TMEM87B: variants seen among roughly 807,000 people sequenced by gnomAD.
TMEM87B encodes transmembrane protein 87B.
A neutral mutation model predicts 80.3 loss-of-function variants in TMEM87B; 83 were observed. That is an observed-to-expected ratio of 1.03 (90% confidence interval 0.87 to 1.24). TMEM87B has a LOEUF of 1.24. Among genes scored for constraint, TMEM87B ranks in the 50% most tolerant of loss-of-function variants. The pLI, the probability that TMEM87B is intolerant of heterozygous loss-of-function variation, is 0.00. For synonymous variants in TMEM87B, 219 were observed against 230.5 expected (o/e 0.95, Z 0.45); for missense variants, 625 against 674.4 (o/e 0.93, Z 0.81).
At chr2:112,086,128 A>T (rs754237237) in intron 9 of TMEM87B, 24 bp downstream of exon 9, 1 of 1,592,698 alleles carries the variant, frequency 6.3e-7, no homozygotes, top group South Asian at 1.1e-5. Context: ...TGTGGGAAAA[A>T]TGCTGGGTCC....
At chr2:112,107,933 C>A in intron 17 of TMEM87B, 93 bp downstream of exon 17, 1 of 740,242 alleles carries the variant, frequency 1.4e-6, no homozygotes, top group East Asian at 2.9e-5. Flanking sequence ...TTTCAAACCT[C>A]GTACTTGCAT....
Position 112,089,681 on chromosome 2 carries a change from T to C in TMEM87B, c.995T>C (p.Ile332Thr). ...RVIGLGLLYL[I>T]FAAVEGVMRV... ...ATCGGACTGGGGCTTCTATACTTAA[T>C]CTTTGCAGCTGTTGAAGGCGTGATG... The change falls in exon 10 of 19, where the codon ATC (isoleucine) becomes ACC (threonine). Residue 332 changes from isoleucine to threonine, a missense_variant. Physicochemically the swap from Ile to Thr is moderately conservative, Grantham distance 89 (BLOSUM62 -1). Coordinates refer to ENST00000283206, the MANE Select transcript of TMEM87B (RefSeq NM_032824.3). 2 of 1,614,204 alleles carry C rather than the reference T, an allele frequency of 1.2e-6. No homozygotes were observed. Among genetic ancestry groups the C allele is most frequent in the Non-Finnish European group, 1.7e-6 (2 of 1,180,020 alleles).
intron 6 of TMEM87B, among the ~76,000 whole-genome samples, chr2:112,080,466 AG>A (rs1308946662): frequency 6.7e-6 from 1 of 148,758 alleles, no homozygotes; most frequent in Non-Finnish European, 1.5e-5. Flanking sequence ...TCACCGTGTT[AG>A]CCAGGATGGT....
Position 112,055,716 on chromosome 2 carries a change from C to A in TMEM87B, c.125C>A (p.Ala42Glu). ...TGCTGGACCCCGGCGGCTGTGCGCGCGGTCCCTGAGCTCGGGCTCTGGTTA... is the reference window on the plus strand; with the variant it reads ...TGCTGGACCCCGGCGGCTGTGCGCGAGGTCCCTGAGCTCGGGCTCTGGTTA... ...LLCWTPAAVR[A>E]VPELGLWLET... The change falls in exon 1 of 19, where the codon GCG becomes GAG. Residue 42 changes from alanine to glutamate, a missense_variant. Transcript: ENST00000283206. The A allele has an allele frequency of 6.5e-7, 1 of 1,538,266 alleles. No individual in the cohort carries two copies. Among genetic ancestry groups the A allele is most frequent in the Non-Finnish European group, 8.7e-7 (1 of 1,149,440 alleles).
chr2:112,108,390 A>G (rs1374322993), intron 17 of TMEM87B, among the ~76,000 whole-genome samples: 1 of 152,190 alleles, frequency 6.6e-6, no homozygotes, highest in Non-Finnish European at 1.5e-5. Context: ...CTGTTTAGAT[A>G]GCTTCTGTGT....
At chr2:112,066,837 T>G (rs1362711614) in intron 3 of TMEM87B, 99 bp from the exon 4 acceptor site, 3 of 1,099,878 alleles carry the variant, frequency 2.7e-6, no homozygotes, top group Non-Finnish European at 2.5e-6. Flanking sequence ...TATTTCAAAC[T>G]GAATATACTT....
intron 17 of TMEM87B, among the ~76,000 whole-genome samples, chr2:112,111,441 A>C (rs1332341502): frequency 6.6e-6 from 1 of 152,230 alleles, no homozygotes; most frequent in Non-Finnish European, 1.5e-5. Flanking sequence ...TTGGTTACAA[A>C]AAATCCTTTG....
intron 9 of TMEM87B, among the ~76,000 whole-genome samples, chr2:112,088,650 T>G (rs1250406860): frequency 1.3e-5 from 2 of 152,196 alleles, no homozygotes; most frequent in South Asian, 2.1e-4. Context: ...AAATTCTGAT[T>G]TGCAAATATC....
In TMEM87B at chr2:112,091,706, T is replaced by G; in HGVS notation, c.1033-6T>G. On this transcript the variant is annotated splice_polypyrimidine_tract_variant and splice_region_variant and intron_variant, in intron 10 of 18. Coordinates refer to ENST00000283206, the MANE Select transcript of TMEM87B (RefSeq NM_032824.3). ...TCAGGTTTCTTCCCTTATTTTTATC[T>G]TTCAGGGTTCTAACCATTTAGCTGT... 1 of 1,606,718 alleles carries G rather than the reference T, an allele frequency of 6.2e-7. No homozygotes were observed. The highest frequency in any genetic ancestry group is 8.5e-7 in the Non-Finnish European group (1 of 1,175,244).
rs548023125 is a variant in TMEM87B at position 112,116,514 on chromosome 2, T to C, written c.*371T>C. ...TTTTAATAAATACCCTTGGTCTTTC[T>C]TCTAGTCACCTTTGAGGTAGATATT... On this transcript the variant is annotated 3_prime_UTR_variant, in exon 19 of 19. Transcript: ENST00000283206. 1.6e-4 allele frequency: 26 copies of C among 164,396 alleles called. No homozygotes were observed. The highest frequency in any genetic ancestry group is 1.3e-3 in the Admixed American group (21 of 16,140). 10.2% of individuals were successfully genotyped at this position (164,396 alleles called of 1,614,324 possible).
chr2:112,107,940 G>C (rs7562848), intron 17 of TMEM87B, 100 bp downstream of exon 17: 667,543 of 669,270 alleles, frequency 1, 332,912 homozygotes, highest in Middle Eastern at 1. Context: ...CCTCGTACTT[G>C]CATGTACTTG....
At chr2:112,060,155 G>T in intron 2 of TMEM87B, 118 bp downstream of exon 2, 2 of 1,163,240 alleles carry the variant, frequency 1.7e-6, no homozygotes, top group Non-Finnish European at 2.2e-6. Context: ...GGACGAGCCT[G>T]GCCAACATAG....
At chr2:112,100,567 G>A (rs2104498481) in intron 14 of TMEM87B, 55 bp from the exon 15 acceptor site, 3 of 1,185,918 alleles carry the variant, frequency 2.5e-6, no homozygotes, top group Non-Finnish European at 2.4e-6. Flanking sequence ...GATATAAACT[G>A]AAAATTGAAC....
chr2:112,099,521 AATACATATATATATATAT>A (rs2104497134), intron 14 of TMEM87B, among the ~76,000 whole-genome samples: 1 of 97,980 alleles, frequency 1.0e-5, no homozygotes, highest in South Asian at 3.3e-4. Context: ...ATTATACAAT[AATACATATATATATATAT>A]ATATATATAT....
intron 13 of TMEM87B, 92 bp downstream of exon 13, chr2:112,097,383 G>A: frequency 9.4e-7 from 1 of 1,064,796 alleles, no homozygotes. Flanking sequence ...AAATAGAGGT[G>A]ATTTTAATGG....
intron 1 of TMEM87B, among the ~76,000 whole-genome samples, chr2:112,056,507 A>G (rs938723396): frequency 2.0e-5 from 3 of 152,206 alleles, no homozygotes; most frequent in African/African-American, 7.2e-5. Flanking sequence ...ATGCAGGGGC[A>G]GAATTATGGA....
intron 4 of TMEM87B, 50 bp downstream of exon 4, chr2:112,067,117 C>G (rs1398010325): frequency 1.3e-6 from 2 of 1,582,178 alleles, no homozygotes; most frequent in Non-Finnish European, 1.7e-6. Flanking sequence ...CCAGTGAATA[C>G]AAGTATCAAC....
At chr2:112,103,861 C>T (rs907993503) in intron 15 of TMEM87B, among the ~76,000 whole-genome samples, 1 of 152,168 alleles carries the variant, frequency 6.6e-6, no homozygotes, top group Non-Finnish European at 1.5e-5. Context: ...TTTCAGATTA[C>T]AGCAATCCAG....
intron 3 of TMEM87B, among the ~76,000 whole-genome samples, chr2:112,064,493 A>G (rs1363997844): frequency 2.0e-5 from 3 of 152,248 alleles, no homozygotes; most frequent in Non-Finnish European, 2.9e-5. Flanking sequence ...CGTAGGAGTC[A>G]TTGATAAAGA....
Sources: gnomAD v4.1 joint callset for allele counts (sites outside exome capture counted in the v4.1 genomes callset) on GRCh38, gnomAD v4.1.1 for gene constraint, MANE v1.5 for transcripts, NCBI Gene and HGNC (gene_info 2026-07-23, HGNC 2026-07-21) for gene names.